The following DGKH variants were observed in gnomAD, a reference collection of about 807,000 sequenced individuals.
DGKH encodes DAG kinase eta.
DGKH carries 90 observed loss-of-function variants against 159.3 expected under a neutral mutation model. The observed-to-expected ratio is 0.57, with a 90% CI of 0.48 to 0.67. The LOEUF (loss-of-function observed/expected upper bound fraction) is 0.67, where lower values mean the gene tolerates loss of function less well. Among genes scored for constraint, DGKH ranks in the 30% least tolerant of loss-of-function variants. The pLI, the probability that DGKH is intolerant of heterozygous loss-of-function variation, is 0.00. For synonymous variants in DGKH, 536 were observed against 553.8 expected (o/e 0.97, Z 0.45); for missense variants, 1,181 against 1,506.1 (o/e 0.78, Z 3.57).
chr13:42,054,789 C>T lies in DGKH; in HGVS notation c.192+5824C>T, dbSNP rs1018442737. ...ATGTGAGGTGATGGATATATTAATTCGCTTGATTTAATCATTTCACAATGA... is the reference window on the plus strand; with the variant it reads ...ATGTGAGGTGATGGATATATTAATTTGCTTGATTTAATCATTTCACAATGA... On this transcript the variant is annotated intron_variant, in intron 1 of 29. Coordinates refer to ENST00000337343, the MANE Select transcript of DGKH (RefSeq NM_178009.5). 3.9e-5 allele frequency among the ~76,000 whole-genome samples: 6 copies of T among 152,052 alleles called. No homozygotes were observed. In the East Asian group the frequency reaches 5.8e-4, roughly 15 times the overall value.
intron 6 of DGKH, 41 bp from the exon 7 acceptor site, chr13:42,159,970 C>T (rs201484878): frequency 5.5e-5 from 89 of 1,613,736 alleles, no homozygotes; most frequent in East Asian, 8.9e-5. Context: ...GGTTGGTGTC[C>T]GCCAGTCTTC....
intron 13 of DGKH, among the ~76,000 whole-genome samples, chr13:42,179,459 T>A (rs1956691394): frequency 6.6e-6 from 1 of 152,232 alleles, no homozygotes; most frequent in Admixed American, 6.5e-5. Context: ...TTTAGTATTT[T>A]AATATTGGAA....
At chr13:42,100,511 T>C (rs1250920000) in intron 1 of DGKH, among the ~76,000 whole-genome samples, 1 of 151,010 alleles carries the variant, frequency 6.6e-6, no homozygotes. Flanking sequence ...GCTAAAAAGG[T>C]TGGGGACTGC....
In DGKH at chr13:42,159,372, C is replaced by A; in HGVS notation, c.729C>A (p.Gly243=). ...AGGACATTATAGAAGATGAAGATGG[C>A]GTAAGCTGCTGCTCTGTCTCTGCTC... ...IGKDIIEDED[G]VAMPHQWLEG... Residue 243 remains glycine (G), a splice_region_variant and synonymous_variant, in exon 6 of 30, where the codon GGC becomes GGA. Coordinates refer to ENST00000337343, the MANE Select transcript of DGKH (RefSeq NM_178009.5). 6.3e-7 allele frequency: 1 copy of A among 1,587,938 alleles called. No homozygotes were observed. Among genetic ancestry groups the A allele is most frequent in the Non-Finnish European group, 8.6e-7 (1 of 1,160,160 alleles).
chr13:42,153,860 G>T (rs775539483), intron 3 of DGKH: 3 of 152,242 alleles, frequency 2.0e-5, no homozygotes, highest in African/African-American at 2.4e-5. Context: ...CAAATATCCA[G>T]AGCTGACTGA....
At chr13:42,186,010 GGTGTGTGT>G (rs3039205) in intron 13 of DGKH, among the ~76,000 whole-genome samples, 12,054 of 132,186 alleles carry the variant, frequency 0.091, 622 homozygotes, top group Non-Finnish European at 0.13. Context: ...TGGTGGTGGT[GGTGTGTGT>G]GTGTGTGTGT....
intron 3 of DGKH, among the ~76,000 whole-genome samples, chr13:42,142,850 A>G (rs1214776372): frequency 1.3e-5 from 2 of 152,182 alleles, no homozygotes; most frequent in Admixed American, 1.3e-4. Context: ...AAAAAGGGAC[A>G]ATTTGACTTC....
intron 1 of DGKH, among the ~76,000 whole-genome samples, chr13:42,110,000 A>G (rs1198991001): frequency 6.6e-6 from 1 of 152,166 alleles, no homozygotes; most frequent in Non-Finnish European, 1.5e-5. Context: ...ACCCATCCAG[A>G]GAACTGACAG....
chr13:42,067,106 G>A (rs1882634816), intron 1 of DGKH, among the ~76,000 whole-genome samples: 1 of 152,076 alleles, frequency 6.6e-6, no homozygotes, highest in African/African-American at 2.4e-5. Context: ...GTGACCAGAG[G>A]TTTGCAGGAA....
intron 3 of DGKH, among the ~76,000 whole-genome samples, chr13:42,135,159 G>A (rs1010590740): frequency 2.0e-5 from 3 of 151,942 alleles, no homozygotes; most frequent in Admixed American, 2.0e-4. Flanking sequence ...TCAGGGAATG[G>A]AAAAGGACAA....
intron 21 of DGKH, among the ~76,000 whole-genome samples, chr13:42,207,691 G>GTTA (rs1491101368): frequency 1.9e-4 from 1 of 5,348 alleles, no homozygotes; most frequent in Non-Finnish European, 1.1e-3. Flanking sequence ...AATTATTAAA[G>GTTA]TGTGTATATA....
Position 42,219,764 on chromosome 13 carries a change from G to A in DGKH, c.3412G>A (p.Val1138Ile). 1 of 1,613,614 alleles carries A rather than the reference G, an allele frequency of 6.2e-7. No homozygotes were observed. The highest frequency in any genetic ancestry group is 8.5e-7 in the Non-Finnish European group (1 of 1,179,726). The change falls in exon 28 of 30, where the codon GTT (valine) becomes ATT (isoleucine). Residue 1138 changes from valine to isoleucine, a missense_variant. Physicochemically the swap from Val to Ile is conservative, Grantham distance 29. Coordinates refer to ENST00000337343, the MANE Select transcript of DGKH (RefSeq NM_178009.5). The part of the protein sequence containing the change: ...RIVPKFKKEK[V>I]QKQKTSSQPV... ...AGTGCCAAAGTTTAAAAAGGAAAAG[G>A]TTCAGAAGCAGAAGACAAGTTCACA... is the stretch of plus-strand genomic sequence containing the variant.
At chr13:42,219,895 GT>G in intron 28 of DGKH, 101 bp downstream of exon 28, 3 of 991,584 alleles carry the variant, frequency 3.0e-6, no homozygotes, top group Non-Finnish European at 4.6e-6. Flanking sequence ...CTAGATGGTG[GT>G]TGAGCATTGT....
At chr13:42,121,686 A>G (rs1358304745) in intron 1 of DGKH, among the ~76,000 whole-genome samples, 1 of 152,226 alleles carries the variant, frequency 6.6e-6, no homozygotes, top group Non-Finnish European at 1.5e-5. Flanking sequence ...CTACACCCAT[A>G]GAAGTATTAG....
At position 42,251,556 on chromosome 13, in the gene DGKH, C is replaced by T. The variant is rs80046225; in HGVS notation, n.4055-853C>T. On this transcript the variant is annotated intron_variant and non_coding_transcript_variant, in intron 29 of 30. Transcript: ENST00000498255. ...GTGTATTGAGTCAAAATGAAAGGAA[C>T]GCTTCCAAGCTCTCCTCTGATTTCT... Among the ~76,000 whole-genome samples, 822 of 152,188 alleles carry T rather than the reference C, an allele frequency of 5.4e-3. 54 individuals are homozygous for T. In the East Asian group the frequency reaches 0.14, roughly 25 times the overall value.
chr13:42,074,641 T>C (rs1443546838), intron 1 of DGKH, among the ~76,000 whole-genome samples: 2 of 132,268 alleles, frequency 1.5e-5, no homozygotes, highest in Middle Eastern at 3.6e-3. Context: ...CTGTATTGTA[T>C]CTATCCGTCC....
In DGKH at chr13:42,238,074, T is replaced by C. The variant is rs1161935496; in HGVS notation, c.*8886T>C. On this transcript the variant is annotated 3_prime_UTR_variant, in exon 30 of 30. Transcript: ENST00000337343. ...ATTGTGTCCTTTCTACAAGTTATGT[T>C]TTGGTGACTTGGTGTCCCCAGTTAG... 1 of 152,258 alleles carries C rather than the reference T, an allele frequency of 6.6e-6. No homozygotes were observed. Among genetic ancestry groups the C allele is most frequent in the Non-Finnish European group, 1.5e-5 (1 of 68,042 alleles). The allele number at this position is 152,258 out of a possible 1,614,324, so 9.4% of individuals were successfully genotyped here.
chr13:42,047,098 T>C (rs575522298), upstream of DGKH, among the ~76,000 whole-genome samples: 1 of 152,362 alleles, frequency 6.6e-6, no homozygotes, highest in South Asian at 2.1e-4. Context: ...TTTGCCCAAC[T>C]CCTTCCTTTC....
intron 1 of DGKH, among the ~76,000 whole-genome samples, chr13:42,063,686 T>C (rs919571837): frequency 1.3e-5 from 2 of 152,070 alleles, no homozygotes; most frequent in Non-Finnish European, 2.9e-5. Flanking sequence ...ACGCCTGTCA[T>C]CCCAGCGCTT....
Sources: gnomAD v4.1 joint callset for allele counts (sites outside exome capture counted in the v4.1 genomes callset) on GRCh38, gnomAD v4.1.1 for gene constraint, MANE v1.5 for transcripts, NCBI Gene and HGNC (gene_info 2026-07-23, HGNC 2026-07-21) for gene names.